Variants in KCTD16 observed in about 807,000 individuals in gnomAD.
KCTD16 encodes the protein BTB/POZ domain-containing protein KCTD16.
A neutral mutation model predicts 33.2 loss-of-function variants in KCTD16; 13 were observed. The ratio of observed to expected loss-of-function variants is 0.39; its 90% CI spans 0.25 to 0.62. The LOEUF (loss-of-function observed/expected upper bound fraction) is 0.62. Ranked by LOEUF, KCTD16 falls within the 20% of genes least tolerant of loss-of-function variation. The pLI, the probability that KCTD16 is intolerant of heterozygous loss-of-function variation, is 0.50. For missense variants in KCTD16, 441 were observed against 525.1 expected, an observed-to-expected ratio of 0.84 and a Z score of 1.57; for synonymous variants, 197 against 195.3, an observed-to-expected ratio of 1.01 and a Z score of -0.07.
chr5:144,274,352 T>C (rs1755386082), intron 3 of KCTD16, among the ~76,000 whole-genome samples: 1 of 151,854 alleles, frequency 6.6e-6, no homozygotes, highest in South Asian at 2.1e-4. Flanking sequence ...TACTATAGAG[T>C]AGAGCAATGA....
At chr5:144,446,722 C>A (rs1039606191) in intron 3 of KCTD16, among the ~76,000 whole-genome samples, 15 of 152,022 alleles carry the variant, frequency 9.9e-5, no homozygotes, top group African/African-American at 2.9e-4. Context: ...AAAAAACAAA[C>A]AACCCCATCA....
intron 3 of KCTD16, among the ~76,000 whole-genome samples, chr5:144,382,767 G>T (rs1752244886): frequency 1.3e-5 from 2 of 152,166 alleles, no homozygotes; most frequent in African/African-American, 4.8e-5. Context: ...GCGAGGTTCT[G>T]GATGTTCATC....
At position 144,297,026 on chromosome 5, in the gene KCTD16, A is replaced by G. The variant is rs192260988; in HGVS notation, c.832+89480A>G. Among the ~76,000 whole-genome samples the G allele has an allele frequency of 1.8e-3, 271 of 152,308 alleles. 7 individuals carry two copies. Among genetic ancestry groups the G allele is most frequent in the Non-Finnish European group, 4.6e-4 (31 of 68,002 alleles). The stretch of plus-strand genomic sequence containing the variant: ...TTGAAACCTGATTTCTGTAACTTAT[A>G]TGGTTTCAGATCACCTAAACGCAAG... On this transcript the variant is annotated intron_variant, in intron 3 of 3. Transcript: ENST00000512467.
At chr5:144,220,797 C>T (rs1056929584) in intron 3 of KCTD16, among the ~76,000 whole-genome samples, 17 of 152,038 alleles carry the variant, frequency 1.1e-4, no homozygotes, top group East Asian at 9.7e-4. Context: ...AAAAATTAGC[C>T]GGGCGTGGTG....
intron 2 of KCTD16, among the ~76,000 whole-genome samples, chr5:144,183,646 A>G (rs1422318603): frequency 1.3e-5 from 2 of 152,220 alleles, no homozygotes; most frequent in African/African-American, 2.4e-5. Context: ...GGTGTCACAC[A>G]TCCAGCTAGA....
At chr5:144,193,622 C>T (rs1388281283) in intron 2 of KCTD16, among the ~76,000 whole-genome samples, 4 of 151,944 alleles carry the variant, frequency 2.6e-5, no homozygotes, top group Admixed American at 6.6e-5. Flanking sequence ...ATCTGTGTGT[C>T]TGGCCTATAA....
Position 144,207,032 on chromosome 5 carries a change from G to A in KCTD16, c.318G>A (p.Leu106=), listed in dbSNP as rs1753197741. The A allele has an allele frequency of 6.2e-7, 1 of 1,614,056 alleles. No individual in the cohort carries two copies. Among genetic ancestry groups the A allele is most frequent in the Non-Finnish European group, 8.5e-7 (1 of 1,180,048 alleles). ...ATCACTTTCCAGAAAAAGGAAGACT[G>A]AAAAGGGAAGCTGAATACTTCCAGC... ...LPDHFPEKGR[L]KREAEYFQLP... Residue 106 remains leucine (L), a synonymous_variant, in exon 3 of 4, where the codon CTG becomes CTA. Transcript: ENST00000512467.
intron 3 of KCTD16, among the ~76,000 whole-genome samples, chr5:144,412,425 A>T (rs975398591): frequency 6.6e-6 from 1 of 152,220 alleles, no homozygotes; most frequent in Admixed American, 6.5e-5. Context: ...CTAGGCTGAG[A>T]ATGGCAAATA....
At chr5:144,270,039 A>G (rs1382064052) in intron 3 of KCTD16, among the ~76,000 whole-genome samples, 1 of 152,064 alleles carries the variant, frequency 6.6e-6, no homozygotes, top group Non-Finnish European at 1.5e-5. Context: ...AGGATCAACT[A>G]ATTATAAAAG....
intron 3 of KCTD16, among the ~76,000 whole-genome samples, chr5:144,455,535 G>C (rs916137639): frequency 6.6e-6 from 1 of 152,190 alleles, no homozygotes; most frequent in African/African-American, 2.4e-5. Flanking sequence ...TGTGGGGCAA[G>C]ACACAACTAC....
chr5:144,304,953 C>T (rs544951187), intron 3 of KCTD16, among the ~76,000 whole-genome samples: 3 of 150,676 alleles, frequency 2.0e-5, no homozygotes, highest in South Asian at 4.2e-4. Context: ...ACAGAAACCT[C>T]GAAGCCACTG....
At chr5:144,301,559 G>A (rs1223157765) in intron 3 of KCTD16, among the ~76,000 whole-genome samples, 1 of 152,170 alleles carries the variant, frequency 6.6e-6, no homozygotes, top group Non-Finnish European at 1.5e-5. Context: ...TATGTATATA[G>A]TAGGTGCTTG....
rs188344250 is a variant in KCTD16, at chr5:144,221,977, T to C, written c.832+14431T>C. 3.5e-3 allele frequency among the ~76,000 whole-genome samples: 535 copies of C among 152,372 alleles called. 3 individuals are homozygous for C. The highest frequency in any genetic ancestry group is 0.012 in the African/African-American group (514 of 41,594). The stretch of plus-strand genomic sequence containing the variant: ...TGCCATTCTAACTGGCGTGAGATGG[T>C]ATCTCATTGTGGTTTTGATTTGCAT... On this transcript the variant is annotated intron_variant, in intron 3 of 3. Transcript: ENST00000512467.
intron 3 of KCTD16, among the ~76,000 whole-genome samples, chr5:144,402,537 A>C (rs947736728): frequency 7.2e-5 from 11 of 152,182 alleles, no homozygotes; most frequent in South Asian, 2.1e-4. Context: ...CTTACTAGCT[A>C]CAAGTTATTG....
At chr5:144,272,985 A>G (rs1755342625) in intron 3 of KCTD16, among the ~76,000 whole-genome samples, 1 of 152,208 alleles carries the variant, frequency 6.6e-6, no homozygotes, top group African/African-American at 2.4e-5. Context: ...ATACTCCATG[A>G]AAATTTAAAA....
At chr5:144,265,447 A>G (rs539088602) in intron 3 of KCTD16, among the ~76,000 whole-genome samples, 1 of 152,318 alleles carries the variant, frequency 6.6e-6, no homozygotes, top group Non-Finnish European at 1.5e-5. Context: ...GAATAATACG[A>G]TCTCCTTGTA....
Position 144,477,585 on chromosome 5 carries a change from CT to C in KCTD16, c.*3475del, listed in dbSNP as rs1232405544. The C allele has an allele frequency of 6.6e-6, 1 of 152,104 alleles. No homozygotes were observed. The highest frequency in any genetic ancestry group is 1.5e-5 in the Non-Finnish European group (1 of 68,010). 9.4% of individuals were successfully genotyped at this position (152,104 alleles called of 1,614,324 possible). A position where few individuals can be genotyped will look rare whatever the true frequency, so the allele number is the denominator to read the frequency against. ...CATTACTGCCTGCGCTTCTGGATTA[CT>C]TTTGCTTTCCTGGGCTTTAGATTCT... On this transcript the variant is annotated 3_prime_UTR_variant, in exon 4 of 4. Transcript: ENST00000512467.
At chr5:144,400,695 A>G (rs1249382905) in intron 3 of KCTD16, among the ~76,000 whole-genome samples, 2 of 152,210 alleles carry the variant, frequency 1.3e-5, no homozygotes, top group Non-Finnish European at 2.9e-5. Context: ...ACAGTCTGAT[A>G]GGAGGCAAGC....
rs7703130 is a variant in KCTD16 at position 144,395,665 on chromosome 5, G to T, written c.833-77995G>T. 7.5e-3 allele frequency among the ~76,000 whole-genome samples: 1,140 copies of T among 152,266 alleles called. 14 individuals are homozygous for T. The highest frequency in any genetic ancestry group is 0.026 in the African/African-American group (1,079 of 41,558). Reference sequence around the variant, plus strand: ...TCTCTCCACAATAATCCCCCTATTAGAGTTCTATTGTCCTCCCAGGTAGTC... The same window carrying T: ...TCTCTCCACAATAATCCCCCTATTATAGTTCTATTGTCCTCCCAGGTAGTC... On this transcript the variant is annotated intron_variant, in intron 3 of 3. Coordinates refer to ENST00000512467, the MANE Select transcript of KCTD16 (RefSeq NM_020768.4).
Sources: gnomAD v4.1 joint callset for allele counts (sites outside exome capture counted in the v4.1 genomes callset) on GRCh38, gnomAD v4.1.1 for gene constraint, MANE v1.5 for transcripts, NCBI Gene and HGNC (gene_info 2026-07-23, HGNC 2026-07-21) for gene names.